Variants in MAGI1 observed in about 807,000 individuals in gnomAD.
The protein encoded by MAGI1 is membrane-associated guanylate kinase, WW and PDZ domain-containing protein 1.
A neutral mutation model predicts 139.9 loss-of-function variants in MAGI1; 58 were observed. The observed-to-expected ratio is 0.41, with a 90% CI of 0.34 to 0.52. MAGI1 has a LOEUF of 0.52. MAGI1 is among the 20% of genes least tolerant of loss of function. MAGI1 has a pLI of 0.12. For missense variants in MAGI1, 1,874 were observed against 1,901.6 expected (o/e 0.99, Z 0.27); for synonymous variants, 812 against 737.9 (o/e 1.10, Z -1.63).
In MAGI1 at chr3:65,457,152, A is replaced by G. The variant is rs138302504; in HGVS notation, c.960-3812T>C. Among the ~76,000 whole-genome samples, 498 of 152,272 alleles carry G rather than the reference A, an allele frequency of 3.3e-3. 2 individuals carry two copies. Among genetic ancestry groups the G allele is most frequent in the African/African-American group, 0.012 (485 of 41,570 alleles). On this transcript the variant is annotated intron_variant, in intron 5 of 22. Coordinates refer to ENST00000402939, the MANE Select transcript of MAGI1 (RefSeq NM_001033057.2). ...TTTGGGGAGCACTGACATCTCTATC[A>G]ATTCTGAGTCTTCCTGTATGTCCAC...
chr3:65,953,564 G>A (rs529828820), intron 1 of MAGI1, among the ~76,000 whole-genome samples: 1 of 152,188 alleles, frequency 6.6e-6, no homozygotes, highest in Non-Finnish European at 1.5e-5. Context: ...TTGCACCAGT[G>A]TCAAGAGCTC....
chr3:65,855,347 G>A (rs1479750545), intron 1 of MAGI1, among the ~76,000 whole-genome samples: 2 of 151,770 alleles, frequency 1.3e-5, no homozygotes, highest in African/African-American at 4.8e-5. Flanking sequence ...TGGGAGACAA[G>A]GCAGGAGAAT....
intron 1 of MAGI1, among the ~76,000 whole-genome samples, chr3:65,983,855 G>A (rs960405382): frequency 6.6e-6 from 1 of 152,178 alleles, no homozygotes; most frequent in East Asian, 1.9e-4. Context: ...CACCCCATAA[G>A]GTGATTATAA....
At chr3:65,910,983 G>A (rs573913409) in intron 1 of MAGI1, among the ~76,000 whole-genome samples, 4 of 148,690 alleles carry the variant, frequency 2.7e-5, no homozygotes, top group South Asian at 2.2e-4. Context: ...TCAGCCTCCT[G>A]AGTGGCTGGG....
At chr3:65,628,768 A>G (rs1024646830) in intron 1 of MAGI1, among the ~76,000 whole-genome samples, 2 of 152,116 alleles carry the variant, frequency 1.3e-5, no homozygotes, top group African/African-American at 4.8e-5. Flanking sequence ...AACTTTATAA[A>G]TGTTTCCCAA....
At position 65,682,634 on chromosome 3, in the gene MAGI1, C is replaced by G. The variant is rs1256099835; in HGVS notation, c.314-60546G>C. Among the ~76,000 whole-genome samples, 3 of 152,160 alleles carry G rather than the reference C, an allele frequency of 2.0e-5. No homozygotes were observed. In the South Asian group the frequency reaches 6.2e-4, roughly 32 times the overall value. On this transcript the variant is annotated intron_variant, in intron 1 of 22. Transcript: ENST00000402939. ...CCTAAATGTAAAATGTAAAACTATA[C>G]AACTTTTAAGAAGAAACTTAAGAAA... is the stretch of plus-strand genomic sequence containing the variant.
At chr3:65,581,990 G>A (rs1024016749) in intron 2 of MAGI1, among the ~76,000 whole-genome samples, 4 of 152,216 alleles carry the variant, frequency 2.6e-5, no homozygotes. Context: ...GGAACCTAGT[G>A]TATGTCAGGC....
chr3:66,027,583 C>T (rs1410622829), intron 1 of MAGI1, among the ~76,000 whole-genome samples: 1 of 152,236 alleles, frequency 6.6e-6, no homozygotes, highest in African/African-American at 2.4e-5. Context: ...AACCTGACTT[C>T]TCAAGCTAAT....
intron 1 of MAGI1, among the ~76,000 whole-genome samples, chr3:66,035,306 T>G (rs960013649): frequency 2.0e-5 from 3 of 152,228 alleles, no homozygotes; most frequent in African/African-American, 7.2e-5. Flanking sequence ...TCTCCCACCA[T>G]GTAGACAGTA....
chr3:65,817,010 T>C (rs1024847984), intron 1 of MAGI1, among the ~76,000 whole-genome samples: 1 of 152,236 alleles, frequency 6.6e-6, no homozygotes, highest in African/African-American at 2.4e-5. Context: ...TAGTCAATCA[T>C]ACATGCAGAA....
chr3:65,424,495 C>A (rs1456054088), intron 12 of MAGI1, among the ~76,000 whole-genome samples: 1 of 152,084 alleles, frequency 6.6e-6, no homozygotes, highest in Non-Finnish European at 1.5e-5. Flanking sequence ...AGCGGCCTGA[C>A]CAAAGTATTC....
chr3:66,037,178 T>C (rs1377316569), intron 1 of MAGI1, among the ~76,000 whole-genome samples: 2 of 152,130 alleles, frequency 1.3e-5, no homozygotes, highest in African/African-American at 4.8e-5. Flanking sequence ...TAATTTGGGG[T>C]ATATAAATAA....
chr3:65,734,570 GGAGAGAGAGA>G (rs143441869), intron 1 of MAGI1, among the ~76,000 whole-genome samples: 1 of 145,942 alleles, frequency 6.9e-6, no homozygotes, highest in Admixed American at 6.9e-5. Context: ...AGAGAGAGAG[GGAGAGAGAGA>G]GAGAGAGGGA....
intron 4 of MAGI1, among the ~76,000 whole-genome samples, chr3:65,477,717 T>TATTCTTA (rs370763213): frequency 8.0e-6 from 1 of 124,416 alleles, no homozygotes. Flanking sequence ...TATTATTTTT[T>TATTCTTA]TTTTTTTATT....
chr3:65,359,226 T>C, intron 22 of MAGI1: 1 of 1,595,698 alleles, frequency 6.3e-7, no homozygotes. Flanking sequence ...AAGTTGAACA[T>C]TTAGATTCCC....
chr3:65,679,708 C>T lies in MAGI1; in HGVS notation c.314-57620G>A, dbSNP rs140236686. ...GCTGCCTGTGACTCAAGGCCCACGA[C>T]TCTTGGTCGGCGGTTTTCAAACCCA... is the stretch of plus-strand genomic sequence containing the variant. On this transcript the variant is annotated intron_variant, in intron 1 of 22. Transcript: ENST00000402939. Among the ~76,000 whole-genome samples the T allele has an allele frequency of 1.4e-3, 216 of 152,338 alleles. 8 individuals are homozygous for T. The East Asian group carries it at 0.035, about 25-fold the overall frequency.
At chr3:65,798,583 A>T (rs141944864) in intron 1 of MAGI1, among the ~76,000 whole-genome samples, 1 of 152,086 alleles carries the variant, frequency 6.6e-6, no homozygotes, top group Non-Finnish European at 1.5e-5. Context: ...GGGTTTCCTT[A>T]AACTTCGCAG....
In MAGI1 at chr3:65,563,525, GC is replaced by G. The variant is rs2080468935; in HGVS notation, c.430+58446del. 2.0e-5 allele frequency among the ~76,000 whole-genome samples: 3 copies of G among 152,274 alleles called. No individual in the cohort carries two copies. The South Asian group carries it at 6.2e-4, about 32-fold the overall frequency. ...TTTGGTCTTTTGTTCTAGGGATGCT[GC>G]CTGCCATGCCATGAGATCCCTCAAA... On this transcript the variant is annotated intron_variant, in intron 2 of 22. Transcript: ENST00000402939.
intron 1 of MAGI1, among the ~76,000 whole-genome samples, chr3:65,949,716 C>T (rs928331880): frequency 1.3e-5 from 2 of 152,134 alleles, no homozygotes; most frequent in South Asian, 4.1e-4. Context: ...ATCTAAATTC[C>T]CAAGTTTTTA....
Sources: gnomAD v4.1 joint callset for allele counts (sites outside exome capture counted in the v4.1 genomes callset) on GRCh38, gnomAD v4.1.1 for gene constraint, MANE v1.5 for transcripts, NCBI Gene and HGNC (gene_info 2026-07-23, HGNC 2026-07-21) for gene names.